Variants in DICER1 observed in about 807,000 individuals in gnomAD.
DICER1 encodes the protein endoribonuclease Dicer.
DICER1 carries 43 observed loss-of-function variants against 194.1 expected under a neutral mutation model. The observed-to-expected ratio is 0.22, with a 90% CI of 0.17 to 0.29. The LOEUF (loss-of-function observed/expected upper bound fraction) is 0.29, where lower values mean the gene tolerates loss of function less well. Among genes scored for constraint, DICER1 ranks in the 10% least tolerant of loss-of-function variants. The pLI, the probability that DICER1 is intolerant of heterozygous loss-of-function variation, is 1.00. For missense variants in DICER1, 1,608 were observed against 2,317.0 expected (o/e 0.69, Z 6.28); for synonymous variants, 832 against 820.5 (o/e 1.01, Z -0.24).
intron 4 of DICER1, 120 bp from the exon 5 acceptor site, chr14:95,130,312 A>T (rs1893849036): frequency 1.4e-5 from 13 of 941,236 alleles, no homozygotes; most frequent in Non-Finnish European, 2.1e-5. Context: ...ATTAGTCAAA[A>T]TTAAAACTAA....
rs769274448 is a variant in DICER1 at position 95,124,453 on chromosome 14, T to C, written c.1119A>G (p.Val373=). The change falls in exon 8 of 27, where the codon GTA becomes GTG. Residue 373 remains valine (V), a synonymous_variant. Transcript: ENST00000343455. This position sits in a 1 kb window ranked among gnomAD's most constrained non-coding sequence, Gnocchi z 4.5. ...FSPASLDLKF[V]TPKVIKLLEI... is the part of the protein sequence containing the mutation. ...CGAGCAGTTTGATTACTTTAGGAGT[T>C]ACAAATTTCAGGTCAAGTGAGGCAG... 4 of 1,614,184 alleles carry C rather than the reference T, an allele frequency of 2.5e-6. No homozygotes were observed. The South Asian group carries it at 3.3e-5, about 13-fold the overall frequency.
rs889090013 is a variant in DICER1, at chr14:95,086,907, G to C, written c.*3591C>G. ...CATATAGGTAATAAACATGACATGA[G>C]TTTCTCTTCTGCAGATAATGCAAAT... On this transcript the variant is annotated 3_prime_UTR_variant, in exon 27 of 27. Coordinates refer to ENST00000343455, the MANE Select transcript of DICER1 (RefSeq NM_177438.3). 11 of 232,752 alleles carry C rather than the reference G, an allele frequency of 4.7e-5. No individual in the cohort carries two copies. The highest frequency in any genetic ancestry group is 8.8e-5 in the African/African-American group (4 of 45,428). 14.4% of individuals were successfully genotyped at this position (232,752 alleles called of 1,614,324 possible). A position where few individuals can be genotyped will look rare whatever the true frequency, so the allele number is the denominator to read the frequency against.
chr14:95,126,895 T>C (rs1378448723), intron 6 of DICER1, 147 bp from the exon 7 acceptor site: 4 of 614,976 alleles, frequency 6.5e-6, no homozygotes, highest in Non-Finnish European at 8.6e-6. Flanking sequence ...GGTGAGATTT[T>C]AGGTGTTTAA....
Position 95,094,099 on chromosome 14 carries a change from T to C in DICER1, c.5153A>G (p.Lys1718Arg), listed in dbSNP as rs1488309058. The C allele has an allele frequency of 1.2e-6, 2 of 1,614,104 alleles. No individual in the cohort carries two copies. Among genetic ancestry groups the C allele is most frequent in the Non-Finnish European group, 1.7e-6 (2 of 1,180,024 alleles). The change falls in exon 24 of 27, where the codon AAG becomes AGG. Residue 1718 changes from lysine to arginine, a missense_variant. Around this residue, in one of 10 missense-constraint regions of DICER1, gnomAD observed 138 missense variants for 298.3 expected, o/e 0.46. Coordinates refer to ENST00000343455, the MANE Select transcript of DICER1 (RefSeq NM_177438.3). ...CTGCCGCGGGTCTTCATAAAGGTGCTTGGTTATGAGGTAGTCCAAAATCGC... is the reference window on the plus strand; with the variant it reads ...CTGCCGCGGGTCTTCATAAAGGTGCCTGGTTATGAGGTAGTCCAAAATCGC... Reference protein sequence around the residue: ...GDAILDYLITKHLYEDPRQHS... With the variant: ...GDAILDYLITRHLYEDPRQHS...
Position 95,090,422 on chromosome 14 carries a change from C to A in DICER1, c.*76G>T. 6.5e-7 allele frequency: 1 copy of A among 1,547,630 alleles called. No individual in the cohort carries two copies. The highest frequency in any genetic ancestry group is 8.9e-7 in the Non-Finnish European group (1 of 1,122,838). On this transcript the variant is annotated 3_prime_UTR_variant, in exon 27 of 27. Coordinates refer to ENST00000343455, the MANE Select transcript of DICER1 (RefSeq NM_177438.3). ...ATTCCACTCACTAACAACTTTAAGT[C>A]TTCCTTTCCGATTTAAATAATTTTC...
rs1890715979 is a variant in DICER1 at position 95,099,822 on chromosome 14, A to T, written c.4164T>A (p.Asn1388Lys). 2 of 1,613,412 alleles carry T rather than the reference A, an allele frequency of 1.2e-6. No individual in the cohort carries two copies. The highest frequency in any genetic ancestry group is 1.7e-6 in the Non-Finnish European group (2 of 1,179,924). Residue 1388 changes from asparagine (N) to lysine (K), a missense_variant, in exon 22 of 27, where the codon AAT becomes AAA. Physicochemically the swap from Asn to Lys is moderately conservative, Grantham distance 94 (BLOSUM62 0). Transcript: ENST00000343455. The part of the protein sequence containing the change: ...VNWLPPGYVV[N>K]QDKSNTDKWE... ...ATTTATCTGTGTTGCTTTTGTCTTG[A>T]TTTACTACATAACCAGGAGGAAGCC...
At chr14:95,134,087 C>T (rs1166988396) in intron 1 of DICER1, among the ~76,000 whole-genome samples, 3 of 152,152 alleles carry the variant, frequency 2.0e-5, no homozygotes, top group Admixed American at 1.3e-4. Flanking sequence ...GCCTGCACCA[C>T]GAAAGATTTA....
intron 1 of DICER1, among the ~76,000 whole-genome samples, chr14:95,140,359 A>G (rs938303366): frequency 1.3e-5 from 2 of 152,172 alleles, no homozygotes; most frequent in Admixed American, 1.3e-4. Context: ...ATATTTAGAT[A>G]TACAAATACC....
intron 22 of DICER1, among the ~76,000 whole-genome samples, chr14:95,098,406 T>C (rs889890264): frequency 6.6e-6 from 1 of 152,162 alleles, no homozygotes; most frequent in Non-Finnish European, 1.5e-5. Context: ...AAAACCACAG[T>C]GTATCTTTTC....
At chr14:95,134,935 A>T (rs186069744) in intron 1 of DICER1, among the ~76,000 whole-genome samples, 1 of 152,326 alleles carries the variant, frequency 6.6e-6, no homozygotes, top group East Asian at 1.9e-4. Flanking sequence ...TCTGAATCAA[A>T]GCCCCAACAG....
At chr14:95,130,981 C>G (rs73331548) in intron 4 of DICER1, among the ~76,000 whole-genome samples, 5,320 of 152,260 alleles carry the variant, frequency 0.035, 334 homozygotes, top group African/African-American at 0.12. Flanking sequence ...CATACTGAAA[C>G]CTATTTCTTT....
rs1212563071 is a variant in DICER1 at position 95,103,971 on chromosome 14, G to A, written c.3425C>T (p.Ser1142Phe). The A allele has an allele frequency of 2.5e-6, 4 of 1,614,208 alleles. No individual in the cohort carries two copies. Among genetic ancestry groups the A allele is most frequent in the Admixed American group, 1.7e-5 (1 of 60,032 alleles). The change falls in exon 21 of 27, where the codon TCT (serine) becomes TTT (phenylalanine). Residue 1142 changes from serine to phenylalanine, a missense_variant. Physicochemically the swap from Ser to Phe is radical, Grantham distance 155. Around this residue, in one of 10 missense-constraint regions of DICER1, gnomAD observed 222 missense variants for 215.5 expected, o/e 1.03. Transcript: ENST00000343455. ...AGACATTTGGTCATGATTTTCTAGA[G>A]AGGAGGTTCTATTAGCACCTTGATG... ...AAHQGANRTS[S>F]LENHDQMSVN...
At chr14:95,125,917 A>C (rs1468871647) in intron 7 of DICER1, among the ~76,000 whole-genome samples, 1 of 152,166 alleles carries the variant, frequency 6.6e-6, no homozygotes, top group Admixed American at 6.5e-5. Flanking sequence ...GATTGAGAAA[A>C]ATGTGGGCAC....
intron 1 of DICER1, chr14:95,134,242 A>G (rs1255167169): frequency 6.6e-6 from 1 of 152,024 alleles, no homozygotes; most frequent in Non-Finnish European, 1.5e-5. Context: ...AAATGACACC[A>G]CTCTGTGAAA....
chr14:95,086,721 C>A lies in DICER1; in HGVS notation c.*3777G>T. On this transcript the variant is annotated 3_prime_UTR_variant, in exon 27 of 27. Transcript: ENST00000343455. ...TCCTAGATATTGCTATTGGCGTCTC[C>A]AACAACTTTAAAAATCATTTTAATA... is the stretch of plus-strand genomic sequence containing the variant. The A allele has an allele frequency of 4.3e-6, 1 of 232,976 alleles. No individual in the cohort carries two copies. Among genetic ancestry groups the A allele is most frequent in the Middle Eastern group, 1.3e-3 (1 of 782 alleles). The allele number at this position is 232,976 out of a possible 1,614,324, so 14.4% of individuals were successfully genotyped here. A position where few individuals can be genotyped will look rare whatever the true frequency, so the allele number is the denominator to read the frequency against.
rs1889441443 is a variant in DICER1 at position 95,087,607 on chromosome 14, T to A, written c.*2891A>T. ...AGCATGGTACCAAGTGCAATGCTTA[T>A]CTGTGCTACATGAACAGAACAGAAG... On this transcript the variant is annotated 3_prime_UTR_variant, in exon 27 of 27. Coordinates refer to ENST00000343455, the MANE Select transcript of DICER1 (RefSeq NM_177438.3). The A allele has an allele frequency of 8.6e-6, 2 of 233,278 alleles. No homozygotes were observed. The highest frequency in any genetic ancestry group is 6.0e-5 in the East Asian group (1 of 16,562). 14.5% of individuals were successfully genotyped at this position (233,278 alleles called of 1,614,324 possible).
At chr14:95,130,314 T>A in intron 4 of DICER1, 122 bp from the exon 5 acceptor site, 1 of 913,974 alleles carries the variant, frequency 1.1e-6, no homozygotes, top group South Asian at 1.5e-5. Flanking sequence ...TAGTCAAAAT[T>A]AAAACTAAAA....
In DICER1 at chr14:95,126,627, T is replaced by C. The variant is rs2140232849; in HGVS notation, c.856A>G (p.Ile286Val). Reference protein sequence around the residue: ...EALNFINDCNISVHSKERDST... With the variant: ...EALNFINDCNVSVHSKERDST... Reference sequence around the variant, plus strand: ...TCTCTTTCTTTTGAATGTACAGATATATTACAATCATTGATAAAATTAAGT... The same window carrying C: ...TCTCTTTCTTTTGAATGTACAGATACATTACAATCATTGATAAAATTAAGT... The change falls in exon 7 of 27, where the codon ATA (isoleucine) becomes GTA (valine). Residue 286 changes from isoleucine (I) to valine (V), a missense_variant. Transcript: ENST00000343455. 2 of 1,561,036 alleles carry C rather than the reference T, an allele frequency of 1.3e-6. No homozygotes were observed. The highest frequency in any genetic ancestry group is 1.7e-4 in the Middle Eastern group (1 of 5,940).
chr14:95,110,510 G>A (rs1279912315), intron 14 of DICER1, among the ~76,000 whole-genome samples: 1 of 152,148 alleles, frequency 6.6e-6, no homozygotes, highest in Admixed American at 6.5e-5. Context: ...CAGTGGCCCT[G>A]GCTGGGAACG....
Sources: gnomAD v4.1 joint callset for allele counts (sites outside exome capture counted in the v4.1 genomes callset) on GRCh38, gnomAD v4.1.1 for gene constraint, gnomAD v4.1.1 regional missense constraint, Gnocchi (gnomAD v3.1) non-coding constraint, MANE v1.5 for transcripts, NCBI Gene and HGNC (gene_info 2026-07-23, HGNC 2026-07-21) for gene names.